Variants in FRMD7 observed in about 807,000 individuals in gnomAD.
FRMD7 encodes the protein FERM domain containing 7.
Under a neutral mutation model 44.1 loss-of-function variants are expected in FRMD7, and 14 were observed. The observed-to-expected ratio is 0.32, with a 90% CI of 0.21 to 0.50. The LOEUF (loss-of-function observed/expected upper bound fraction) is 0.50. Ranked by LOEUF, FRMD7 falls within the 20% of genes least tolerant of loss-of-function variation. The pLI is 0.99. For synonymous variants in FRMD7, 212 were observed against 187.4 expected (o/e 1.13, Z -1.07); for missense variants, 501 against 522.3 (o/e 0.96, Z 0.40).
At chrX:132,095,722 G>A (rs1303242316) in intron 4 of FRMD7, among the ~76,000 whole-genome samples, 1 of 112,364 alleles carries the variant, frequency 8.9e-6, no homozygotes, top group Non-Finnish European at 1.9e-5. Flanking sequence ...GCCTAGACAA[G>A]GCATCCTTGT....
At chrX:132,126,337 A>G (rs1369351345) in intron 1 of FRMD7, among the ~76,000 whole-genome samples, 1 of 111,720 alleles carries the variant, frequency 9.0e-6, no homozygotes, top group Non-Finnish European at 1.9e-5. Flanking sequence ...CTCTCCCATT[A>G]TCTTTCCAAG....
chrX:132,080,704 C>T (rs1927779945), intron 9 of FRMD7, among the ~76,000 whole-genome samples: 1 of 110,995 alleles, frequency 9.0e-6, no homozygotes, highest in African/African-American at 3.3e-5. Context: ...GTCCCTACCA[C>T]TTGGGAGGCT....
Position 132,086,674 on chromosome X carries a change from AC to A in FRMD7, c.383-641del, listed in dbSNP as rs1330683890. Among the ~76,000 whole-genome samples the A allele has an allele frequency of 5.5e-3, 606 of 110,168 alleles. 3 individuals are homozygous for A. Among genetic ancestry groups the A allele is most frequent in the African/African-American group, 0.02 (589 of 30,108 alleles). ...GAAAGGCCTCAGGAAAAAAAAAAAA[AC>A]AACTGCTGACAGCTTATCTTGGACA... is the stretch of plus-strand genomic sequence containing the variant. On this transcript the variant is annotated intron_variant, in intron 5 of 11. Coordinates refer to ENST00000298542, the MANE Select transcript of FRMD7 (RefSeq NM_194277.3).
intron 8 of FRMD7, 29 bp from the exon 9 acceptor site, chrX:132,082,555 A>G (rs375462373): frequency 3.6e-5 from 41 of 1,153,371 alleles, no homozygotes; most frequent in Non-Finnish European, 4.9e-5. Flanking sequence ...ATTAAGTAAA[A>G]CATCCTTCAA....
intron 1 of FRMD7, among the ~76,000 whole-genome samples, chrX:132,124,463 T>C (rs1344281486): frequency 1.8e-5 from 2 of 111,966 alleles, no homozygotes; most frequent in Non-Finnish European, 3.8e-5. Flanking sequence ...TTCATTTTCT[T>C]CATTGGATTG....
At position 132,101,869 on chromosome X, in the gene FRMD7, C is replaced by T. The variant is rs1293488632; in HGVS notation, c.58-1153G>A. ...TGGCTGGGACTGATTTTCAGCCTGC[C>T]TCCACTATTGCTGAACCCAGGGATT... On this transcript the variant is annotated intron_variant, in intron 1 of 11. Coordinates refer to ENST00000298542, the MANE Select transcript of FRMD7 (RefSeq NM_194277.3). 1.8e-4 allele frequency among the ~76,000 whole-genome samples: 20 copies of T among 111,521 alleles called. No individual in the cohort carries two copies. In the Admixed American group the frequency reaches 1.8e-3, roughly 10 times the overall value.
At chrX:132,086,147 T>G in intron 5 of FRMD7, 113 bp from the exon 6 acceptor site, 3 of 540,574 alleles carry the variant, frequency 5.5e-6, no homozygotes, top group Non-Finnish European at 1.0e-5. Flanking sequence ...GCCAATGCAG[T>G]CCAAAGCCTC....
chrX:132,122,366 C>A (rs933522794), intron 1 of FRMD7, among the ~76,000 whole-genome samples: 12 of 111,833 alleles, frequency 1.1e-4, no homozygotes, highest in Non-Finnish European at 2.1e-4. Flanking sequence ...CTGCCCTACT[C>A]CAGATGTATT....
Position 132,120,852 on chromosome X carries a change from C to T in FRMD7, c.57+6936G>A, listed in dbSNP as rs180971588. On this transcript the variant is annotated intron_variant, in intron 1 of 11. Transcript: ENST00000298542. ...GCAACAAACCTCAGGATATGAACGA[C>T]AGAGGAAGTTCAGTTTAAACAAAGG... Among the ~76,000 whole-genome samples, 45 of 112,394 alleles carry T rather than the reference C, an allele frequency of 4.0e-4. No homozygotes were observed. In the East Asian group the frequency reaches 9.3e-3, roughly 23 times the overall value.
chrX:132,094,046 TA>T lies in FRMD7; in HGVS notation c.377del (p.Leu126TyrfsTer29). ...AGACAGACATTTGCTACTTACATTG[TA>T]AGATGTGAGATACCATCAACGCTGT... is the stretch of plus-strand genomic sequence containing the variant. ...NCTALMVSHI[L>X]QSELGDFHEE... On this transcript the variant is annotated frameshift_variant, in exon 5 of 12. Transcript: ENST00000298542. LOFTEE classifies it high-confidence loss of function. 8.9e-7 allele frequency: 1 copy of T among 1,125,947 alleles called. No individual in the cohort carries two copies. Among genetic ancestry groups the T allele is most frequent in the South Asian group, 1.8e-5 (1 of 55,123 alleles). The allele number at this position is 1,125,947 out of a possible 1,213,427, so 92.8% of individuals were successfully genotyped here.
chrX:132,127,725 G>A, intron 1 of FRMD7, 63 bp downstream of exon 1: 1 of 914,915 alleles, frequency 1.1e-6, no homozygotes, highest in South Asian at 2.0e-5. Context: ...CTAATGGGCT[G>A]TTCACAAATG....
intron 1 of FRMD7, among the ~76,000 whole-genome samples, chrX:132,104,707 A>T (rs767596608): frequency 4.5e-5 from 5 of 111,765 alleles, no homozygotes; most frequent in Admixed American, 9.5e-5. Context: ...AACCAAAAAA[A>T]CAAAAAACAA....
chrX:132,091,012 C>T (rs1928153788), intron 5 of FRMD7, among the ~76,000 whole-genome samples: 1 of 111,287 alleles, frequency 9.0e-6, no homozygotes, highest in Non-Finnish European at 1.9e-5. Flanking sequence ...TTTATCTAGT[C>T]TCCCCACTTC....
intron 1 of FRMD7, among the ~76,000 whole-genome samples, chrX:132,124,383 A>G (rs1929105439): frequency 1.8e-5 from 2 of 111,855 alleles, no homozygotes; most frequent in South Asian, 3.7e-4. Context: ...GAATAATGCT[A>G]ATATTTGACA....
chrX:132,100,592 C>T lies in FRMD7; in HGVS notation c.162+20G>A. ...GAAGCAATGCTAGACACAAAGAACC[C>T]TATAATGAAACCAACTTACATTATT... is the stretch of plus-strand genomic sequence containing the variant. On this transcript the variant is annotated intron_variant, in intron 2 of 11. Transcript: ENST00000298542. The T allele has an allele frequency of 9.4e-7, 1 of 1,066,729 alleles. No individual in the cohort carries two copies. The highest frequency in any genetic ancestry group is 1.8e-5 in the South Asian group (1 of 54,099). 87.9% of individuals were successfully genotyped at this position (1,066,729 alleles called of 1,213,427 possible). A position where few individuals can be genotyped will look rare whatever the true frequency, so the allele number is the denominator to read the frequency against.
chrX:132,099,943 A>C (rs779040269), intron 2 of FRMD7, among the ~76,000 whole-genome samples: 13 of 112,107 alleles, frequency 1.2e-4, no homozygotes. Context: ...CAACAGAAGA[A>C]TATCTGAACG....
intron 8 of FRMD7, among the ~76,000 whole-genome samples, chrX:132,083,228 T>G (rs1187769426): frequency 1.8e-5 from 2 of 112,187 alleles, no homozygotes; most frequent in Admixed American, 9.4e-5. Context: ...AGCACTGGGA[T>G]TATGAACGCA....
chrX:132,103,153 G>A (rs1305325967), intron 1 of FRMD7, among the ~76,000 whole-genome samples: 2 of 111,983 alleles, frequency 1.8e-5, no homozygotes, highest in Non-Finnish European at 3.8e-5. Flanking sequence ...TGTGGAATGT[G>A]TTATGTAATA....
At chrX:132,110,407 G>A (rs1928748551) in intron 1 of FRMD7, among the ~76,000 whole-genome samples, 2 of 111,079 alleles carry the variant, frequency 1.8e-5, no homozygotes, top group South Asian at 7.8e-4. Context: ...AGTTGGACTT[G>A]GGGAGGTTAA....
Sources: gnomAD v4.1 joint callset for allele counts (sites outside exome capture counted in the v4.1 genomes callset) on GRCh38, gnomAD v4.1.1 for gene constraint, MANE v1.5 for transcripts, NCBI Gene and HGNC (gene_info 2026-07-23, HGNC 2026-07-21) for gene names.